Variants in DNAH8 observed in about 807,000 individuals in gnomAD.
DNAH8 encodes the protein axonemal beta dynein heavy chain 8.
Under a neutral mutation model 562.1 loss-of-function variants are expected in DNAH8, and 382 were observed. The observed-to-expected ratio is 0.68, with a 90% CI of 0.63 to 0.74. The LOEUF is 0.74. Ranked by LOEUF, DNAH8 falls within the 30% of genes least tolerant of loss-of-function variation. The pLI, the probability that DNAH8 is intolerant of heterozygous loss-of-function variation, is 0.00. For missense variants in DNAH8, 5,203 were observed against 5,620.4 expected (o/e 0.93, Z 2.37); for synonymous variants, 1,881 against 1,919.4 (o/e 0.98, Z 0.52).
At position 38,724,103 on chromosome 6, in the gene DNAH8, G is replaced by A. The variant is rs572572463; in HGVS notation, c.525+632G>A. Among the ~76,000 whole-genome samples the A allele has an allele frequency of 4.6e-5, 7 of 151,802 alleles. No homozygotes were observed. The South Asian group carries it at 1.3e-3, about 27-fold the overall frequency. ...CCGGATTCTCCTGCCTCAGGCTCCC[G>A]AGTAGCTGGGATTTCAGGCACGCAC... On this transcript the variant is annotated intron_variant, in intron 3 of 92. Transcript: ENST00000327475.
Position 38,851,590 on chromosome 6 carries a change from A to T in DNAH8, c.5382A>T (p.Arg1794=). The T allele has an allele frequency of 6.2e-7, 1 of 1,606,914 alleles. No homozygotes were observed. The highest frequency in any genetic ancestry group is 8.5e-7 in the Non-Finnish European group (1 of 1,177,764). Residue 1794 remains arginine, a synonymous_variant, in exon 39 of 93, where the codon CGA becomes CGT. Coordinates refer to ENST00000327475, the MANE Select transcript of DNAH8 (RefSeq NM_001206927.2). ...TTTGAAGGTATTTGGAGAAGAAACG[A>T]TTACTGTTTCCAAGATTCTTCTTTG... The part of the protein sequence containing the change: ...KSLTGYLEKK[R]LLFPRFFFVS...
chr6:38,997,513 T>C (rs1474556806), intron 88 of DNAH8, among the ~76,000 whole-genome samples: 1 of 151,892 alleles, frequency 6.6e-6, no homozygotes, highest in Admixed American at 6.6e-5. Context: ...AGTTACAGAG[T>C]TCTGTTGGGG....
intron 87 of DNAH8, among the ~76,000 whole-genome samples, chr6:38,987,995 T>G (rs1030499551): frequency 6.6e-6 from 1 of 152,122 alleles, no homozygotes; most frequent in African/African-American, 2.4e-5. Context: ...GCCCCAGGCT[T>G]GCCTTCTGAC....
chr6:38,767,755 A>G lies in DNAH8; in HGVS notation c.1618-2658A>G, dbSNP rs111296146. 3.9e-3 allele frequency among the ~76,000 whole-genome samples: 587 copies of G among 152,310 alleles called. 8 individuals carry two copies. Among genetic ancestry groups the G allele is most frequent in the African/African-American group, 0.014 (568 of 41,562 alleles). On this transcript the variant is annotated intron_variant, in intron 11 of 92. Transcript: ENST00000327475. The stretch of plus-strand genomic sequence containing the variant: ...GCTATTGTGAATAATGCGGCTATGA[A>G]CATTTGGTGTGTAAGTATCTGTTTG...
At chr6:38,778,626 GA>G (rs1454625839) in intron 14 of DNAH8, among the ~76,000 whole-genome samples, 162 bp downstream of exon 14, 6 of 152,084 alleles carry the variant, frequency 3.9e-5, no homozygotes, top group Non-Finnish European at 7.4e-5. Context: ...GTAAAGATTT[GA>G]AATAAAGAAT....
chr6:38,850,192 CTT>C, intron 37 of DNAH8, 57 bp from the exon 38 acceptor site: 2 of 1,529,648 alleles, frequency 1.3e-6, no homozygotes, highest in Non-Finnish European at 8.9e-7. Flanking sequence ...AAGGTGAAGA[CTT>C]TGCTTTTTTT....
At chr6:39,015,017 A>G (rs1766471051) in intron 91 of DNAH8, among the ~76,000 whole-genome samples, 1 of 152,046 alleles carries the variant, frequency 6.6e-6, no homozygotes, top group Non-Finnish European at 1.5e-5. Flanking sequence ...GCAAGGAGGG[A>G]CAATGTAGGC....
chr6:38,886,648 T>A (rs935057687), intron 56 of DNAH8, 143 bp from the exon 57 acceptor site: 1 of 699,230 alleles, frequency 1.4e-6, no homozygotes, highest in Non-Finnish European at 2.4e-6. Context: ...TCAAATTACC[T>A]TGAAGGTGAT....
At chr6:38,803,443 T>C in intron 22 of DNAH8, 132 bp downstream of exon 22, 1 of 611,730 alleles carries the variant, frequency 1.6e-6, no homozygotes, top group Non-Finnish European at 2.8e-6. Context: ...TCAGCATAAA[T>C]CACATTGTTT....
chr6:38,967,689 A>G (rs1763065410), intron 82 of DNAH8, among the ~76,000 whole-genome samples: 1 of 152,182 alleles, frequency 6.6e-6, no homozygotes, highest in African/African-American at 2.4e-5. Flanking sequence ...GTAAAATGCC[A>G]GTACTCATCT....
At chr6:38,938,713 AAC>A (rs1783182553) in intron 78 of DNAH8, 83 bp from the exon 79 acceptor site, 1 of 911,106 alleles carries the variant, frequency 1.1e-6, no homozygotes, top group Admixed American at 2.5e-5. Context: ...CCGACGTACA[AAC>A]CTTCATGTGT....
chr6:38,826,105 G>C, intron 28 of DNAH8, 51 bp from the exon 29 acceptor site: 7 of 1,291,648 alleles, frequency 5.4e-6, no homozygotes, highest in Non-Finnish European at 7.5e-6. Context: ...TGCCCTTATA[G>C]TTTCAGAATG....
intron 27 of DNAH8, 92 bp downstream of exon 27, chr6:38,823,126 A>G: frequency 8.5e-7 from 1 of 1,174,264 alleles, no homozygotes. Context: ...AATGACAGGA[A>G]CCCATGAGCA....
rs193230794 is a variant in DNAH8, at chr6:38,790,738, G to A, written c.2781+333G>A. ...CTCGGGAGTCTGAGGCAAGAGAATC[G>A]TTTGAACCAGGGAAGCGGAGGTTGC... On this transcript the variant is annotated intron_variant, in intron 20 of 92. Coordinates refer to ENST00000327475, the MANE Select transcript of DNAH8 (RefSeq NM_001206927.2). Among the ~76,000 whole-genome samples, 78 of 151,668 alleles carry A rather than the reference G, an allele frequency of 5.1e-4. 1 individual carries two copies. Among genetic ancestry groups the A allele is most frequent in the Middle Eastern group, 6.8e-3 (2 of 292 alleles).
intron 9 of DNAH8, among the ~76,000 whole-genome samples, chr6:38,752,250 G>A (rs369375524): frequency 1.3e-4 from 20 of 149,692 alleles, no homozygotes; most frequent in South Asian, 1.1e-3. Flanking sequence ...TGCAACCTCC[G>A]CCTCCCGGGT....
At chr6:39,027,598 C>A (rs112746892) in intron 92 of DNAH8, among the ~76,000 whole-genome samples, 5 of 152,094 alleles carry the variant, frequency 3.3e-5, no homozygotes, top group Admixed American at 1.3e-4. Context: ...GAGGCCAAGG[C>A]GGGAGGATCA....
At position 38,929,531 on chromosome 6, in the gene DNAH8, A is replaced by G. The variant is rs1295431058; in HGVS notation, c.11139A>G (p.Lys3713=). The change falls in exon 75 of 93, where the codon AAA becomes AAG. Residue 3713 remains lysine, a synonymous_variant. Transcript: ENST00000327475. ...TTTAGGTGACATCTCTGAACCATAA[A>G]TATTTTCGCACACACTTGGAGGACA... The part of the protein sequence containing the change: ...NDLQVTSLNH[K]YFRTHLEDSL... 1.2e-6 allele frequency: 2 copies of G among 1,612,394 alleles called. No individual in the cohort carries two copies. The highest frequency in any genetic ancestry group is 8.5e-7 in the Non-Finnish European group (1 of 1,179,142).
chr6:38,731,681 C>G (rs1763664900), intron 4 of DNAH8, among the ~76,000 whole-genome samples: 1 of 152,132 alleles, frequency 6.6e-6, no homozygotes, highest in Admixed American at 6.5e-5. Flanking sequence ...GTACATTTAT[C>G]AGTTTGGTAA....
At chr6:38,923,333 G>A (rs1781865391) in intron 72 of DNAH8, 148 bp downstream of exon 72, 2 of 917,886 alleles carry the variant, frequency 2.2e-6, no homozygotes, top group Non-Finnish European at 3.1e-6. Context: ...ATACTATAGA[G>A]GGTGAAGAAG....
Sources: gnomAD v4.1 joint callset for allele counts (sites outside exome capture counted in the v4.1 genomes callset) on GRCh38, gnomAD v4.1.1 for gene constraint, MANE v1.5 for transcripts, NCBI Gene and HGNC (gene_info 2026-07-23, HGNC 2026-07-21) for gene names.